The following SNRNP200 variants were observed in gnomAD, a reference collection of about 807,000 sequenced individuals.
The protein encoded by SNRNP200 is U5 small nuclear ribonucleoprotein 200 kDa helicase.
In SNRNP200, 66 loss-of-function variants were observed where a neutral mutation model predicts 255.2. The observed-to-expected ratio is 0.26, with a 90% CI of 0.21 to 0.32. The LOEUF (loss-of-function observed/expected upper bound fraction) is 0.32, where lower values mean the gene tolerates loss of function less well. Ranked by LOEUF, SNRNP200 falls within the 10% of genes least tolerant of loss-of-function variation. The pLI, the probability that SNRNP200 is intolerant of heterozygous loss-of-function variation, is 1.00. For missense variants in SNRNP200, 1,585 were observed against 2,749.8 expected, an observed-to-expected ratio of 0.58 and a Z score of 9.47; for synonymous variants, 939 against 1,027.8, an observed-to-expected ratio of 0.91 and a Z score of 1.65.
At position 96,283,205 on chromosome 2, in the gene SNRNP200, G is replaced by A. The variant is rs1238072388; in HGVS notation, c.4911C>T (p.Ser1637=). 1.2e-6 allele frequency: 2 copies of A among 1,614,032 alleles called. No homozygotes were observed. Among genetic ancestry groups the A allele is most frequent in the African/African-American group, 1.3e-5 (1 of 74,930 alleles). The change falls in exon 34 of 45, where the codon AGC becomes AGT. Residue 1637 remains serine (S), a synonymous_variant. Coordinates refer to ENST00000323853, the MANE Select transcript of SNRNP200 (RefSeq NM_014014.5). The surrounding 1 kb of genome is among the most constrained non-coding windows in gnomAD (Gnocchi z 4.7). ...CCCTTCCGTGGCCTGACTTACCTGA[G>A]CTGAAGAGCTGCTCCACCAGGCGTC... is the stretch of plus-strand genomic sequence containing the variant. ...MERRLVEQLF[S]SGAIQVVVAS...
rs1684675962 is a variant in SNRNP200, at chr2:96,276,930, G to A, written c.6148C>T (p.Pro2050Ser). The A allele has an allele frequency of 6.2e-7, 1 of 1,613,920 alleles. No homozygotes were observed. Among genetic ancestry groups the A allele is most frequent in the African/African-American group, 1.3e-5 (1 of 74,898 alleles). ...QLEREEEVTG[P>S]VIAPLFPQKR... is the part of the protein sequence containing the mutation. ...TGCGGGAAGAGAGGCGCAATGACAG[G>A]GCCTGTGACTTCCTCCTCTCGCTCC... The change falls in exon 43 of 45, where the codon CCT (proline) becomes TCT (serine). Residue 2050 changes from proline (P) to serine (S), a missense_variant. Transcript: ENST00000323853.
At chr2:96,293,199 ACACC>A in intron 15 of SNRNP200, 104 bp from the exon 16 acceptor site, 3 of 1,573,916 alleles carry the variant, frequency 1.9e-6, no homozygotes, top group Non-Finnish European at 2.6e-6. Flanking sequence ...TTTATGATTC[ACACC>A]ACATCAAAAC....
At position 96,283,907 on chromosome 2, in the gene SNRNP200, G is replaced by A. The variant is rs772120849; in HGVS notation, c.4490C>T (p.Ala1497Val). 1 of 1,597,264 alleles carries A rather than the reference G, an allele frequency of 6.3e-7. No homozygotes were observed. Among genetic ancestry groups the A allele is most frequent in the South Asian group, 1.1e-5 (1 of 88,768 alleles). ...IVALSSSLSN[A>V]KDVAHWLGCS... Reference sequence around the variant, plus strand: ...GCCCAGCCAGTGGGCCACATCCTTGGCATTGGAGAGCGAAGAGCTGAGTGC... The same window carrying A: ...GCCCAGCCAGTGGGCCACATCCTTGACATTGGAGAGCGAAGAGCTGAGTGC... The change falls in exon 32 of 45, where the codon GCC becomes GTC. Residue 1497 changes from alanine (A) to valine (V), a missense_variant. Physicochemically the swap from Ala to Val is moderately conservative, Grantham distance 64. Around this residue, in one of 9 missense-constraint regions of SNRNP200, gnomAD observed 719 missense variants for 1,091.1 expected, o/e 0.66. Transcript: ENST00000323853. This position sits in a 1 kb window ranked among gnomAD's most constrained non-coding sequence, Gnocchi z 4.7.
In SNRNP200 at chr2:96,295,633, A is replaced by G; in HGVS notation, c.1697T>C (p.Val566Ala). The change falls in exon 14 of 45, where the codon GTT becomes GCT. Residue 566 changes from valine to alanine, a missense_variant. By Grantham distance (64) the Val-to-Ala change is moderately conservative. Coordinates refer to ENST00000323853, the MANE Select transcript of SNRNP200 (RefSeq NM_014014.5). The part of the protein sequence containing the change: ...GKRLATYGIT[V>A]AELTGDHQLC... ...CTGGTGGTCCCCAGTCAGTTCAGCA[A>G]CAGTGATGCCATAAGTGGCCAGGCG... is the stretch of plus-strand genomic sequence containing the variant. 6.2e-7 allele frequency: 1 copy of G among 1,613,932 alleles called. No homozygotes were observed. Among genetic ancestry groups the G allele is most frequent in the South Asian group, 1.1e-5 (1 of 91,068 alleles).
At position 96,305,476 on chromosome 2, in the gene SNRNP200, C is replaced by A; in HGVS notation, c.-39G>T. ...CGGAGGCTTCAGACCACCACGCCTC[C>A]CTACCGCAAGCTGCAAACGGCCGCA... is the stretch of plus-strand genomic sequence containing the variant. On this transcript the variant is annotated 5_prime_UTR_variant, in exon 1 of 45. Coordinates refer to ENST00000323853, the MANE Select transcript of SNRNP200 (RefSeq NM_014014.5). 2.5e-6 allele frequency: 4 copies of A among 1,613,372 alleles called. No homozygotes were observed. Among genetic ancestry groups the A allele is most frequent in the Non-Finnish European group, 3.4e-6 (4 of 1,179,998 alleles).
rs2063892887 is a variant in SNRNP200, at chr2:96,292,981, T to C, written c.2151A>G (p.Gly717=). 1 of 1,614,174 alleles carries C rather than the reference T, an allele frequency of 6.2e-7. No homozygotes were observed. The highest frequency in any genetic ancestry group is 1.1e-5 in the South Asian group (1 of 91,084). The stretch of plus-strand genomic sequence containing the variant: ...TAAACCACGGGCAAACCTGATTTTT[T>C]CCAGCATGTTCCATGATTTTTTCAT... ...IVYEKIMEHA[G]KNQVLVFVHS... is the part of the protein sequence containing the mutation. The change falls in exon 16 of 45, where the codon GGA becomes GGG. Residue 717 remains glycine, a synonymous_variant. Coordinates refer to ENST00000323853, the MANE Select transcript of SNRNP200 (RefSeq NM_014014.5).
At chr2:96,285,467 A>G in intron 29 of SNRNP200, 127 bp from the exon 30 acceptor site, 1 of 1,026,568 alleles carries the variant, frequency 9.7e-7, no homozygotes, top group Non-Finnish European at 1.5e-6. Context: ...GAGTGCAGAC[A>G]GAGGAGCTAA....
intron 6 of SNRNP200, 113 bp downstream of exon 6, chr2:96,299,216 G>T: frequency 1.9e-6 from 2 of 1,056,478 alleles, no homozygotes; most frequent in Non-Finnish European, 2.9e-6. Flanking sequence ...GTTTATTATA[G>T]TTCACTCCAG....
chr2:96,289,992 G>A lies in SNRNP200; in HGVS notation c.2747C>T (p.Ala916Val), dbSNP rs1429042316. Reference sequence around the variant, plus strand: ...GTAGGCATAGCCCAGCCAGTTCACCGCATCCTACAAGACACAGCTCATGGT... The same window carrying A: ...GTAGGCATAGCCCAGCCAGTTCACCACATCCTACAAGACACAGCTCATGGT... Reference protein sequence around the residue: ...VLGNVQNAKDAVNWLGYAYLY... With the variant: ...VLGNVQNAKDVVNWLGYAYLY... Residue 916 changes from alanine to valine, a missense_variant, in exon 21 of 45, where the codon GCG becomes GTG. Around this residue, in one of 9 missense-constraint regions of SNRNP200, gnomAD observed 719 missense variants for 1,091.1 expected, o/e 0.66. Transcript: ENST00000323853. 4 of 1,614,022 alleles carry A rather than the reference G, an allele frequency of 2.5e-6. No homozygotes were observed. Among genetic ancestry groups the A allele is most frequent in the South Asian group, 1.1e-5 (1 of 91,072 alleles).
In SNRNP200 at chr2:96,283,834, G is replaced by A. The variant is rs2063824580; in HGVS notation, c.4563C>T (p.Val1521=). 1.2e-6 allele frequency: 2 copies of A among 1,607,978 alleles called. No homozygotes were observed. The highest frequency in any genetic ancestry group is 1.7e-6 in the Non-Finnish European group (2 of 1,177,050). Residue 1521 remains valine, a synonymous_variant, in exon 32 of 45, where the codon GTC becomes GTT. Transcript: ENST00000323853. This position sits in a 1 kb window ranked among gnomAD's most constrained non-coding sequence, Gnocchi z 4.7. ...CTACCTGGATGTGCAGCTCCAAGGG[G>A]ACGGGACGCACATTGGGATGGAAGT... ...TFNFHPNVRP[V]PLELHIQGFN...
In SNRNP200 at chr2:96,278,295, T is replaced by C. The variant is rs779444178; in HGVS notation, c.5552A>G (p.Asn1851Ser). ...GGGAATGTTCTCATACTCTGCTGCA[T>C]TGGAGATGATCTCGATAAGCCCTCG... Reference protein sequence around the residue: ...KVRGLIEIISNAAEYENIPIR... With the variant: ...KVRGLIEIISSAAEYENIPIR... Residue 1851 changes from asparagine to serine, a missense_variant, in exon 39 of 45, where the codon AAT becomes AGT. By Grantham distance (46) the Asn-to-Ser change is conservative. Transcript: ENST00000323853. The surrounding 1 kb of genome is among the most constrained non-coding windows in gnomAD (Gnocchi z 6.9). 23 of 1,614,058 alleles carry C rather than the reference T, an allele frequency of 1.4e-5. No homozygotes were observed. The highest frequency in any genetic ancestry group is 5.3e-5 in the African/African-American group (4 of 74,896).
chr2:96,299,271 G>T, intron 6 of SNRNP200, 58 bp downstream of exon 6: 1 of 1,479,408 alleles, frequency 6.8e-7, no homozygotes, highest in South Asian at 1.1e-5. Flanking sequence ...GCATGGGGAA[G>T]AAGCACTAAC....
Position 96,296,586 on chromosome 2 carries a change from T to C in SNRNP200, c.1621A>G (p.Ile541Val), listed in dbSNP as rs552058312. The change falls in exon 13 of 45, where the codon ATT becomes GTT. Residue 541 changes from isoleucine to valine, a missense_variant. By Grantham distance (29) the Ile-to-Val change is conservative. Transcript: ENST00000323853. ...INVDDFKIIY[I>V]APMRSLVQEM... is the part of the protein sequence containing the mutation. Reference sequence around the variant, plus strand: ...TGCACCAAGGAGCGCATGGGGGCAATGTAGATAATCTTGAAGTCATCCACA... The same window carrying C: ...TGCACCAAGGAGCGCATGGGGGCAACGTAGATAATCTTGAAGTCATCCACA... The C allele has an allele frequency of 5.0e-6, 8 of 1,614,140 alleles. No individual in the cohort carries two copies. The highest frequency in any genetic ancestry group is 2.2e-5 in the South Asian group (2 of 91,078).
chr2:96,285,513 G>A (rs2063838845), intron 29 of SNRNP200, 173 bp from the exon 30 acceptor site: 2 of 699,898 alleles, frequency 2.9e-6, no homozygotes, highest in African/African-American at 1.8e-5. Flanking sequence ...CAGCCCTACT[G>A]TACCCCCTTA....
chr2:96,290,303 C>G lies in SNRNP200; in HGVS notation c.2742+23G>C. 6.2e-7 allele frequency: 1 copy of G among 1,612,588 alleles called. No homozygotes were observed. The highest frequency in any genetic ancestry group is 8.5e-7 in the Non-Finnish European group (1 of 1,179,472). ...TGGTGTCTGCGGGGAAAGCATGAAGCACAACAAGCAGTCCTCCCCTACCTT... is the reference window on the plus strand; with the variant it reads ...TGGTGTCTGCGGGGAAAGCATGAAGGACAACAAGCAGTCCTCCCCTACCTT... On this transcript the variant is annotated intron_variant, in intron 20 of 44. Coordinates refer to ENST00000323853, the MANE Select transcript of SNRNP200 (RefSeq NM_014014.5). The surrounding 1 kb of genome is among the most constrained non-coding windows in gnomAD (Gnocchi z 4.5).
chr2:96,281,698 G>A (rs1480293161), intron 35 of SNRNP200, 116 bp downstream of exon 35: 1 of 853,844 alleles, frequency 1.2e-6, no homozygotes, highest in South Asian at 1.4e-5. Context: ...TGGCATCTCA[G>A]CTGTTAACTT....
chr2:96,297,553 C>G lies in SNRNP200; in HGVS notation c.1204-17G>C, dbSNP rs1558770785. The G allele has an allele frequency of 6.2e-7, 1 of 1,614,124 alleles. No individual in the cohort carries two copies. Among genetic ancestry groups the G allele is most frequent in the East Asian group, 2.2e-5 (1 of 44,888 alleles). On this transcript the variant is annotated splice_polypyrimidine_tract_variant and intron_variant, in intron 10 of 44. Coordinates refer to ENST00000323853, the MANE Select transcript of SNRNP200 (RefSeq NM_014014.5). ...AGCCAGTGCCTGGGAATGTGAAAGA[C>G]AAAAACACAAAGGAAGTAAGCAAGC...
chr2:96,284,029 T>C, intron 31 of SNRNP200, 25 bp from the exon 32 acceptor site: 6 of 910,054 alleles, frequency 6.6e-6, no homozygotes, highest in African/African-American at 1.6e-5. Context: ...GGAGGGAGGG[T>C]CACTGCAGGC....
Position 96,275,000 on chromosome 2 carries a change from A to G in SNRNP200, c.*12T>C. ...TCAACTCTCCTTTACCCAAAAGTAA[A>G]TGCCTCAGGACTCAATCTGAATCAC... On this transcript the variant is annotated 3_prime_UTR_variant, in exon 45 of 45. Coordinates refer to ENST00000323853, the MANE Select transcript of SNRNP200 (RefSeq NM_014014.5). 6.2e-7 allele frequency: 1 copy of G among 1,613,648 alleles called. No individual in the cohort carries two copies. Among genetic ancestry groups the G allele is most frequent in the Non-Finnish European group, 8.5e-7 (1 of 1,180,006 alleles).
Sources: gnomAD v4.1 joint callset for allele counts on GRCh38, gnomAD v4.1.1 for gene constraint, gnomAD v4.1.1 regional missense constraint, Gnocchi (gnomAD v3.1) non-coding constraint, MANE v1.5 for transcripts, NCBI Gene and HGNC (gene_info 2026-07-23, HGNC 2026-07-21) for gene names.